The following ZCWPW2 variants were observed in gnomAD, a reference collection of about 807,000 sequenced individuals.
The protein encoded by ZCWPW2 is zinc finger CW-type PWWP domain protein 2.
Under a neutral mutation model 46.6 loss-of-function variants are expected in ZCWPW2, and 45 were observed. The ratio of observed to expected loss-of-function variants is 0.96; its 90% confidence interval spans 0.76 to 1.24. The LOEUF is 1.24. ZCWPW2 is among the 50% of genes most tolerant of loss of function. The pLI, the probability that ZCWPW2 is intolerant of heterozygous loss-of-function variation, is 0.00. For synonymous variants in ZCWPW2, 152 were observed against 137.1 expected (o/e 1.11, Z -0.76); for missense variants, 429 against 403.9 (o/e 1.06, Z -0.53).
intron 1 of ZCWPW2, among the ~76,000 whole-genome samples, chr3:28,368,179 C>G (rs1180284892): frequency 6.6e-6 from 1 of 152,112 alleles, no homozygotes; most frequent in Non-Finnish European, 1.5e-5. Context: ...TGAATTTGAT[C>G]CTGTCATTAT....
chr3:28,495,957 G>A (rs188648750), intron 6 of ZCWPW2, among the ~76,000 whole-genome samples: 1 of 152,106 alleles, frequency 6.6e-6, no homozygotes, highest in African/African-American at 2.4e-5. Context: ...GATTTTGGAT[G>A]TTCTGCTGGA....
At chr3:28,377,791 C>A (rs1386040103) in intron 1 of ZCWPW2, among the ~76,000 whole-genome samples, 1 of 152,026 alleles carries the variant, frequency 6.6e-6, no homozygotes, top group Non-Finnish European at 1.5e-5. Flanking sequence ...TCTTAATATG[C>A]TGAATAAAAT....
At chr3:28,406,306 A>G (rs919741568) in intron 2 of ZCWPW2, among the ~76,000 whole-genome samples, 8 of 152,204 alleles carry the variant, frequency 5.3e-5, no homozygotes, top group African/African-American at 1.9e-4. Flanking sequence ...GAAATTGGCA[A>G]TCTCAACAGA....
At chr3:28,517,460 G>A (rs1470549595) in intron 8 of ZCWPW2, among the ~76,000 whole-genome samples, 1 of 152,116 alleles carries the variant, frequency 6.6e-6, no homozygotes, top group Non-Finnish European at 1.5e-5. Flanking sequence ...AACAAAAGAG[G>A]GGAGAGTTGC....
At chr3:28,440,590 A>G (rs1697710813) in intron 4 of ZCWPW2, among the ~76,000 whole-genome samples, 1 of 152,184 alleles carries the variant, frequency 6.6e-6, no homozygotes, top group East Asian at 1.9e-4. Context: ...TATAATTGTG[A>G]CTTCACATGG....
chr3:28,417,207 CA>C (rs2125744596), intron 3 of ZCWPW2, among the ~76,000 whole-genome samples: 1 of 152,054 alleles, frequency 6.6e-6, no homozygotes, highest in East Asian at 1.9e-4. Flanking sequence ...CACAGAAATA[CA>C]AACTACCATC....
At chr3:28,404,286 A>G (rs753544238) in intron 2 of ZCWPW2, among the ~76,000 whole-genome samples, 36 of 152,254 alleles carry the variant, frequency 2.4e-4, no homozygotes. Flanking sequence ...AATGCTCAAC[A>G]TCATGAATAA....
rs995824517 is a variant in ZCWPW2 at position 28,348,944 on chromosome 3, T to C, written c.-393T>C. Reference sequence around the variant, plus strand: ...CACGGGCCGGAGGGAGGGGAAGCACTCCGGAAAGTGATTGGAAGTGTGGAT... The same window carrying C: ...CACGGGCCGGAGGGAGGGGAAGCACCCCGGAAAGTGATTGGAAGTGTGGAT... On this transcript the variant is annotated 5_prime_UTR_variant, in exon 1 of 10. Coordinates refer to ENST00000383768, the MANE Select transcript of ZCWPW2 (RefSeq NM_001040432.4). 12 of 985,290 alleles carry C rather than the reference T, an allele frequency of 1.2e-5. No individual in the cohort carries two copies. The highest frequency in any genetic ancestry group is 6.1e-5 in the Admixed American group (1 of 16,270). 61.0% of individuals were successfully genotyped at this position (985,290 alleles called of 1,614,324 possible).
At chr3:28,450,310 A>G (rs762744102) in intron 4 of ZCWPW2, among the ~76,000 whole-genome samples, 1 of 152,182 alleles carries the variant, frequency 6.6e-6, no homozygotes, top group Non-Finnish European at 1.5e-5. Context: ...AATTATGCTC[A>G]CTGCCATAAG....
chr3:28,491,511 C>T (rs1033137553), intron 5 of ZCWPW2, among the ~76,000 whole-genome samples: 14 of 151,966 alleles, frequency 9.2e-5, no homozygotes, highest in African/African-American at 3.4e-4. Context: ...CTAGTAGTTT[C>T]CATTCTTGCT....
chr3:28,496,768 C>A (rs1575209230), intron 6 of ZCWPW2, among the ~76,000 whole-genome samples: 1 of 151,754 alleles, frequency 6.6e-6, no homozygotes, highest in African/African-American at 2.4e-5. Context: ...CCAGGCACTA[C>A]ATACATGTTG....
At chr3:28,463,451 A>G (rs1698716825) in intron 4 of ZCWPW2, among the ~76,000 whole-genome samples, 1 of 152,168 alleles carries the variant, frequency 6.6e-6, no homozygotes, top group African/African-American at 2.4e-5. Context: ...TTTTAAATTA[A>G]AAAAATTAAA....
intron 4 of ZCWPW2, among the ~76,000 whole-genome samples, chr3:28,466,609 G>T (rs1327540121): frequency 6.6e-6 from 1 of 152,056 alleles, no homozygotes; most frequent in African/African-American, 2.4e-5. Context: ...GACCTGCCTG[G>T]CCAACATGGT....
chr3:28,431,785 C>A (rs1697268464), intron 3 of ZCWPW2, among the ~76,000 whole-genome samples: 1 of 152,148 alleles, frequency 6.6e-6, no homozygotes, highest in Non-Finnish European at 1.5e-5. Context: ...GTGCTTGGTG[C>A]CTGTATTAGT....
intron 6 of ZCWPW2, among the ~76,000 whole-genome samples, chr3:28,497,264 A>G (rs192121780): frequency 2.6e-4 from 39 of 151,374 alleles, no homozygotes. Flanking sequence ...ACAAATGTGT[A>G]TATACGTGTA....
intron 1 of ZCWPW2, among the ~76,000 whole-genome samples, chr3:28,383,662 C>G (rs1223045882): frequency 6.6e-6 from 1 of 151,624 alleles, no homozygotes; most frequent in African/African-American, 2.4e-5. Flanking sequence ...TCAAGACATT[C>G]TAAATATTGG....
At chr3:28,365,418 G>T (rs373937324) in intron 1 of ZCWPW2, among the ~76,000 whole-genome samples, 1 of 141,012 alleles carries the variant, frequency 7.1e-6, no homozygotes, top group African/African-American at 2.5e-5. Context: ...TTTCCCCATT[G>T]CTTGTTTTTG....
At chr3:28,478,539 G>C (rs1419707083) in intron 4 of ZCWPW2, among the ~76,000 whole-genome samples, 1 of 152,080 alleles carries the variant, frequency 6.6e-6, no homozygotes, top group Non-Finnish European at 1.5e-5. Flanking sequence ...TTGTGACGCT[G>C]AGGGCCTTTT....
intron 1 of ZCWPW2, among the ~76,000 whole-genome samples, chr3:28,369,305 T>C (rs1018825915): frequency 2.6e-5 from 4 of 152,190 alleles, no homozygotes; most frequent in African/African-American, 4.8e-5. Context: ...CTTTGGTCTT[T>C]GATGATGGTG....
Sources: allele counts gnomAD v4.1 joint callset (sites outside exome capture counted in the v4.1 genomes callset), GRCh38; gene constraint gnomAD v4.1.1; transcripts MANE v1.5; gene names NCBI Gene and HGNC (gene_info 2026-07-23, HGNC 2026-07-21).